PALM3: variants seen among roughly 807,000 people sequenced by gnomAD.
The protein encoded by PALM3 is paralemmin-3.
A neutral mutation model predicts 27.9 loss-of-function variants in PALM3; 20 were observed. That is an observed-to-expected ratio of 0.72 (90% CI 0.50 to 1.04). The LOEUF (loss-of-function observed/expected upper bound fraction) is 1.04. Ranked by LOEUF, PALM3 falls within the 50% of genes least tolerant of loss-of-function variation. PALM3 has a pLI of 0.00. For missense variants in PALM3, 814 were observed against 869.4 expected (o/e 0.94, Z 0.80); for synonymous variants, 328 against 352.7 (o/e 0.93, Z 0.79).
chr19:14,055,542 C>A, intron 5 of PALM3, 117 bp from the exon 6 acceptor site: 2 of 949,874 alleles, frequency 2.1e-6, no homozygotes, highest in South Asian at 3.1e-5. Context: ...CTATTACCTT[C>A]AGGATCAAAC....
intron 1 of PALM3, 58 bp from the exon 2 acceptor site, chr19:14,059,221 C>T: frequency 1.4e-6 from 2 of 1,410,884 alleles, no homozygotes; most frequent in South Asian, 1.5e-5. Context: ...CCCCTCTTGG[C>T]CAAGATCCCT....
At chr19:14,061,903 C>T (rs1976419757) in intron 1 of PALM3, 37 bp downstream of exon 1, 1 of 982,734 alleles carries the variant, frequency 1.0e-6, no homozygotes, top group African/African-American at 1.7e-5. Context: ...CTCCCAAGGC[C>T]CTGCCCACCA....
chr19:14,061,826 G>A (rs552165313), intron 1 of PALM3, 114 bp downstream of exon 1: 8 of 629,692 alleles, frequency 1.3e-5, no homozygotes, highest in South Asian at 7.0e-5. Context: ...TCCACTCCCC[G>A]GGTCCCCTTA....
At chr19:14,060,157 C>T (rs368928033) in intron 1 of PALM3, among the ~76,000 whole-genome samples, 135 of 152,128 alleles carry the variant, frequency 8.9e-4, no homozygotes, top group African/African-American at 3.0e-3. Flanking sequence ...CATGGACGGG[C>T]GCTGATCAAA....
chr19:14,053,570 G>T lies in PALM3; in HGVS notation c.*35C>A. ...GGTGCCAAGAGGCCGAGGTAGCTGT[G>T]AGAGGAGCTGGACATGGGGTGGAGG... is the stretch of plus-strand genomic sequence containing the variant. On this transcript the variant is annotated 3_prime_UTR_variant, in exon 7 of 7. Coordinates refer to ENST00000669674, the MANE Select transcript of PALM3 (RefSeq NM_001145028.2). 7.0e-7 allele frequency: 1 copy of T among 1,438,768 alleles called. No individual in the cohort carries two copies. The highest frequency in any genetic ancestry group is 1.5e-5 in the South Asian group (1 of 64,522). The allele number at this position is 1,438,768 out of a possible 1,614,324, so 89.1% of individuals were successfully genotyped here.
intron 3 of PALM3, chr19:14,057,044 C>T: frequency 3.4e-6 from 2 of 589,840 alleles, no homozygotes; most frequent in Non-Finnish European, 3.0e-6. Context: ...AATGTCCCTC[C>T]CTACTGGCCC....
chr19:14,056,657 C>G lies in PALM3; in HGVS notation c.314+5G>C. ...TTCGGGCAGAGCTAGAAGGTCTCCA[C>G]TCACGTGAACAAACTGTCTTCCAGG... On this transcript the variant is annotated splice_donor_5th_base_variant and intron_variant, in intron 4 of 6. Coordinates refer to ENST00000669674, the MANE Select transcript of PALM3 (RefSeq NM_001145028.2). The G allele has an allele frequency of 1.9e-6, 3 of 1,551,782 alleles. No homozygotes were observed. The highest frequency in any genetic ancestry group is 2.6e-6 in the Non-Finnish European group (3 of 1,147,004).
chr19:14,055,533 T>C, intron 5 of PALM3, 108 bp from the exon 6 acceptor site: 1 of 1,076,998 alleles, frequency 9.3e-7, no homozygotes, highest in East Asian at 2.6e-5. Flanking sequence ...AGTGGCTCTC[T>C]ATTACCTTCA....
chr19:14,059,728 G>C (rs1011907087), intron 1 of PALM3, among the ~76,000 whole-genome samples: 4 of 152,044 alleles, frequency 2.6e-5, no homozygotes, highest in South Asian at 2.1e-4. Flanking sequence ...CAAGCGCTGG[G>C]GGGGCAAGCG....
In PALM3 at chr19:14,053,620, A is replaced by G. The variant is rs1976224557; in HGVS notation, c.2052T>C (p.Cys684=). 6.9e-7 allele frequency: 1 copy of G among 1,459,332 alleles called. No individual in the cohort carries two copies. Among genetic ancestry groups the G allele is most frequent in the Non-Finnish European group, 9.1e-7 (1 of 1,104,452 alleles). 90.4% of individuals were successfully genotyped at this position (1,459,332 alleles called of 1,614,324 possible). A position where few individuals can be genotyped will look rare whatever the true frequency, so the allele number is the denominator to read the frequency against. The part of the protein sequence containing the change: ...ASGPKQKTCQ[C]CAVM ...GGGCATGGGTTCACATGACCGCACA[A>G]CACTGGCACGTCTTTTGCTTAGGGC... The change falls in exon 7 of 7, where the codon TGT becomes TGC. Residue 684 remains cysteine, a synonymous_variant. Coordinates refer to ENST00000669674, the MANE Select transcript of PALM3 (RefSeq NM_001145028.2).
chr19:14,057,992 C>T (rs1976342888), intron 2 of PALM3, among the ~76,000 whole-genome samples: 1 of 152,172 alleles, frequency 6.6e-6, no homozygotes, highest in African/African-American at 2.4e-5. Context: ...CCTGTAATCC[C>T]AGCTACCGGG....
Position 14,061,967 on chromosome 19 carries a change from C to G in PALM3, c.14G>C (p.Ser5Thr), listed in dbSNP as rs35385804. The change falls in exon 1 of 7, where the codon AGC becomes ACC. Residue 5 changes from serine (S) to threonine (T), a missense_variant. By Grantham distance (58) the Ser-to-Thr change is moderately conservative (BLOSUM62 1). Coordinates refer to ENST00000669674, the MANE Select transcript of PALM3 (RefSeq NM_001145028.2). Reference protein sequence around the residue: MALQSQVWSLATPMP... With the variant: MALQTQVWSLATPMP... ...GGGTGTGGCCAGAGACCACACCTGG[C>G]TCTGCAGGGCCATCTCTGCCCAGAA... 5 of 985,210 alleles carry G rather than the reference C, an allele frequency of 5.1e-6. No individual in the cohort carries two copies. The highest frequency in any genetic ancestry group is 1.2e-4 in the Admixed American group (2 of 16,258). 61.0% of individuals were successfully genotyped at this position (985,210 alleles called of 1,614,324 possible). A position where few individuals can be genotyped will look rare whatever the true frequency, so the allele number is the denominator to read the frequency against.
Position 14,054,093 on chromosome 19 carries a change from C to T in PALM3, c.1579G>A (p.Glu527Lys). The T allele has an allele frequency of 6.4e-7, 1 of 1,551,724 alleles. No homozygotes were observed. Among genetic ancestry groups the T allele is most frequent in the Non-Finnish European group, 8.7e-7 (1 of 1,147,008 alleles). Residue 527 changes from glutamate (E) to lysine (K), a missense_variant, in exon 7 of 7, where the codon GAG becomes AAG. Physicochemically the swap from Glu to Lys is moderately conservative, Grantham distance 56. Transcript: ENST00000669674. ...CTTTTCTCTGCCTCCAGTGTCTCCT[C>T]CCCTCCCTTTCTCTCTGCCTCCAGT... The part of the protein sequence containing the change: ...EPLEAERKGG[E>K]ETLEAEKRGG...
intron 2 of PALM3, 90 bp downstream of exon 2, chr19:14,059,025 G>A (rs1200181794): frequency 7.1e-6 from 9 of 1,259,118 alleles, no homozygotes; most frequent in Non-Finnish European, 9.5e-6. Context: ...CTGGAGCTGA[G>A]GGCGCTCTCC....
At chr19:14,057,897 C>T (rs932192679) in intron 2 of PALM3, among the ~76,000 whole-genome samples, 1 of 152,132 alleles carries the variant, frequency 6.6e-6, no homozygotes, top group African/African-American at 2.4e-5. Context: ...CGCTTGAGGT[C>T]AGGAGTTCTA....
In PALM3 at chr19:14,053,782, T is replaced by C; in HGVS notation, c.1890A>G (p.Pro630=). The C allele has an allele frequency of 6.5e-7, 1 of 1,541,492 alleles. No individual in the cohort carries two copies. The highest frequency in any genetic ancestry group is 1.2e-5 in the South Asian group (1 of 82,420). ...GTGGCTGGCATTCGGCGGGCTGCTC[T>C]GGGGCTGGGGTCTCTGCCAGAAGAG... ...ATPLLAETPA[P]EQPAECQPLL... The change falls in exon 7 of 7, where the codon CCA becomes CCG. Residue 630 remains proline, a synonymous_variant. Coordinates refer to ENST00000669674, the MANE Select transcript of PALM3 (RefSeq NM_001145028.2).
At chr19:14,058,444 G>T (rs1397546446) in intron 2 of PALM3, among the ~76,000 whole-genome samples, 1 of 151,704 alleles carries the variant, frequency 6.6e-6, no homozygotes, top group Admixed American at 6.6e-5. Flanking sequence ...TGCAGCCATG[G>T]GGGTCCGGAG....
chr19:14,058,677 G>T (rs571980594), intron 2 of PALM3, among the ~76,000 whole-genome samples: 1 of 151,930 alleles, frequency 6.6e-6, no homozygotes, highest in East Asian at 1.9e-4. Context: ...AGGAGGGAAG[G>T]ATGCAGGACA....
At position 14,056,415 on chromosome 19, in the gene PALM3, G is replaced by T; in HGVS notation, c.399+14C>A. 1 of 1,544,876 alleles carries T rather than the reference G, an allele frequency of 6.5e-7. No individual in the cohort carries two copies. The highest frequency in any genetic ancestry group is 1.2e-5 in the South Asian group (1 of 83,878). ...CCATGCCCTCCCATCCCACTCCCCT[G>T]ATTCCCCCCTCACCTGTCTGCGCCA... On this transcript the variant is annotated intron_variant, in intron 5 of 6. Coordinates refer to ENST00000669674, the MANE Select transcript of PALM3 (RefSeq NM_001145028.2).
Sources: allele counts gnomAD v4.1 joint callset (sites outside exome capture counted in the v4.1 genomes callset), GRCh38; gene constraint gnomAD v4.1.1; transcripts MANE v1.5; gene names NCBI Gene and HGNC (gene_info 2026-07-23, HGNC 2026-07-21).